Variants in SLC7A11 observed in about 807,000 individuals in gnomAD.
SLC7A11 encodes the protein cystine/glutamate transporter.
Under a neutral mutation model 54.5 loss-of-function variants are expected in SLC7A11, and 35 were observed. That is an observed-to-expected ratio of 0.64 (90% confidence interval 0.49 to 0.85). The LOEUF (loss-of-function observed/expected upper bound fraction) is 0.85, where lower values mean the gene tolerates loss of function less well. Among genes scored for constraint, SLC7A11 ranks in the 40% least tolerant of loss-of-function variants. The probability of loss-of-function intolerance (pLI) is 0.00; values close to 1 mark genes in which losing one functional copy is unlikely to be tolerated. For synonymous variants in SLC7A11, 230 were observed against 225.2 expected (o/e 1.02, Z -0.19); for missense variants, 583 against 618.1 (o/e 0.94, Z 0.60).
Position 138,242,184 on chromosome 4 carries a change from C to T in SLC7A11, c.-115G>A. On this transcript the variant is annotated 5_prime_UTR_variant, in exon 1 of 12. Transcript: ENST00000280612. ...TCCTCTGCTTTCAGACTGTCTCTCTCAGCGCTATAGTGTTCACAGGTGAAA... is the reference window on the plus strand; with the variant it reads ...TCCTCTGCTTTCAGACTGTCTCTCTTAGCGCTATAGTGTTCACAGGTGAAA... 8.1e-7 allele frequency: 1 copy of T among 1,236,186 alleles called. No homozygotes were observed. The highest frequency in any genetic ancestry group is 1.1e-6 in the Non-Finnish European group (1 of 892,588). 76.6% of individuals were successfully genotyped at this position (1,236,186 alleles called of 1,614,324 possible).
In SLC7A11 at chr4:138,225,138, CTATATATATATATATATATA is replaced by C. The variant is rs36216785; in HGVS notation, c.521-1834_521-1815del. On this transcript the variant is annotated intron_variant, in intron 3 of 11. Transcript: ENST00000280612. Reference sequence around the variant, plus strand: ...TCACTTGATTGAGACAATAATTTCACTATATATATATATATATATATATATATATATATAAATAAAATCAT... The same window carrying C: ...TCACTTGATTGAGACAATAATTTCACTATATATATATATAAATAAAATCAT... Among the ~76,000 whole-genome samples the C allele has an allele frequency of 5.1e-5, 6 of 118,342 alleles. No homozygotes were observed. In the Admixed American group the frequency reaches 5.5e-4, roughly 11 times the overall value. 77.6% of individuals were successfully genotyped at this position (118,342 alleles called of 152,430 possible).
chr4:138,208,843 C>T (rs1169724759), intron 6 of SLC7A11, among the ~76,000 whole-genome samples: 1 of 152,036 alleles, frequency 6.6e-6, no homozygotes, highest in East Asian at 1.9e-4. Context: ...TGAAAGATTG[C>T]TACTTCCATA....
intron 6 of SLC7A11, among the ~76,000 whole-genome samples, chr4:138,206,346 G>GT (rs1737404973): frequency 6.7e-6 from 1 of 149,590 alleles, no homozygotes; most frequent in South Asian, 2.1e-4. Flanking sequence ...TAAAACAAGA[G>GT]TTTATTGTTC....
intron 3 of SLC7A11, 80 bp from the exon 4 acceptor site, chr4:138,223,404 C>A: frequency 6.8e-7 from 1 of 1,474,186 alleles, no homozygotes; most frequent in East Asian, 2.3e-5. Context: ...ACTCAAAGGG[C>A]AATCTGTGAG....
In SLC7A11 at chr4:138,168,347, C is replaced by T. The variant is rs1182931962; in HGVS notation, c.*3609G>A. ...ACATTAAAATATTGTTACCTTCAGT[C>T]CATACTATCTTTCATTTCCTGATTC... On this transcript the variant is annotated 3_prime_UTR_variant, in exon 12 of 12. Coordinates refer to ENST00000280612, the MANE Select transcript of SLC7A11 (RefSeq NM_014331.4). 6.6e-6 allele frequency: 1 copy of T among 152,172 alleles called. No individual in the cohort carries two copies. The highest frequency in any genetic ancestry group is 2.4e-5 in the African/African-American group (1 of 41,436). 9.4% of individuals were successfully genotyped at this position (152,172 alleles called of 1,614,324 possible).
At chr4:138,196,789 A>G (rs941301057) in intron 6 of SLC7A11, among the ~76,000 whole-genome samples, 1 of 152,076 alleles carries the variant, frequency 6.6e-6, no homozygotes, top group African/African-American at 2.4e-5. Context: ...CCTCCCGAGT[A>G]GCTGGGATTA....
At chr4:138,236,509 ATTAGAATAGATACAATAATGT>A in intron 1 of SLC7A11, 58 bp from the exon 2 acceptor site, 1 of 1,476,138 alleles carries the variant, frequency 6.8e-7, no homozygotes, top group Non-Finnish European at 9.2e-7. Context: ...GACACCCAGC[ATTAGAATAGATACAATAATGT>A]TTATATGTTG....
At position 138,164,329 on chromosome 4, in the gene SLC7A11, C is replaced by CACTT. The variant is rs1264119350; in HGVS notation, c.*7623_*7626dup. On this transcript the variant is annotated 3_prime_UTR_variant, in exon 12 of 12. Coordinates refer to ENST00000280612, the MANE Select transcript of SLC7A11 (RefSeq NM_014331.4). ...AGTTTCCATAAGATGAAAACAAACACACTTACTTCATAGCATCTTACCACT... is the reference window on the plus strand; with the variant it reads ...AGTTTCCATAAGATGAAAACAAACACACTTACTTACTTCATAGCATCTTACCACT... 1 of 152,042 alleles carries CACTT rather than the reference C, an allele frequency of 6.6e-6. No individual in the cohort carries two copies. The highest frequency in any genetic ancestry group is 2.4e-5 in the African/African-American group (1 of 41,408). 9.4% of individuals were successfully genotyped at this position (152,042 alleles called of 1,614,324 possible). A position where few individuals can be genotyped will look rare whatever the true frequency, so the allele number is the denominator to read the frequency against.
intron 6 of SLC7A11, among the ~76,000 whole-genome samples, chr4:138,206,734 G>T (rs1446896977): frequency 6.6e-6 from 1 of 151,800 alleles, no homozygotes; most frequent in Non-Finnish European, 1.5e-5. Context: ...CATATGTGAT[G>T]CCGAGAAATG....
chr4:138,189,608 T>G (rs937373491), intron 6 of SLC7A11, among the ~76,000 whole-genome samples: 36 of 152,296 alleles, frequency 2.4e-4, no homozygotes, highest in African/African-American at 8.4e-4. Flanking sequence ...AGGCAAATAT[T>G]AGAAGACTAA....
At chr4:138,191,419 T>TATAC (rs1560722982) in intron 6 of SLC7A11, among the ~76,000 whole-genome samples, 1 of 151,994 alleles carries the variant, frequency 6.6e-6, no homozygotes, top group African/African-American at 2.4e-5. Context: ...GAGAGACCTG[T>TATAC]AGGGAGATGT....
chr4:138,192,406 G>A (rs1737032559), intron 6 of SLC7A11, among the ~76,000 whole-genome samples: 1 of 152,110 alleles, frequency 6.6e-6, no homozygotes, highest in Admixed American at 6.5e-5. Flanking sequence ...AAGGAATACG[G>A]GTCACAGAAT....
chr4:138,240,906 G>A (rs370208960), intron 1 of SLC7A11, among the ~76,000 whole-genome samples: 3 of 152,082 alleles, frequency 2.0e-5, no homozygotes, highest in Admixed American at 2.0e-4. Flanking sequence ...CCATAAGGGG[G>A]CATTTATTTA....
At chr4:138,195,667 CT>C (rs1356093296) in intron 6 of SLC7A11, among the ~76,000 whole-genome samples, 1 of 152,156 alleles carries the variant, frequency 6.6e-6, no homozygotes, top group Non-Finnish European at 1.5e-5. Context: ...CCATTACCTA[CT>C]GTTTTTAATA....
intron 6 of SLC7A11, among the ~76,000 whole-genome samples, chr4:138,186,820 C>G (rs578035776): frequency 2.6e-5 from 4 of 152,230 alleles, no homozygotes; most frequent in Non-Finnish European, 5.9e-5. Context: ...AAGGTGTATA[C>G]ACAGCTTTTC....
chr4:138,239,479 T>G (rs1184776453), intron 1 of SLC7A11, among the ~76,000 whole-genome samples: 1 of 152,206 alleles, frequency 6.6e-6, no homozygotes, highest in Non-Finnish European at 1.5e-5. Flanking sequence ...AAAGAAGGAT[T>G]ATTTTTTCTT....
At chr4:138,200,275 T>C (rs529550280) in intron 6 of SLC7A11, among the ~76,000 whole-genome samples, 1 of 152,262 alleles carries the variant, frequency 6.6e-6, no homozygotes, top group South Asian at 2.1e-4. Flanking sequence ...AGCAGCTATT[T>C]CCTTATAATA....
In SLC7A11 at chr4:138,197,035, C is replaced by T. The variant is rs549005144; in HGVS notation, c.792-11791G>A. Among the ~76,000 whole-genome samples the T allele has an allele frequency of 1.8e-3, 277 of 152,296 alleles. 2 individuals carry two copies. The highest frequency in any genetic ancestry group is 6.1e-3 in the African/African-American group (252 of 41,568). On this transcript the variant is annotated intron_variant, in intron 6 of 11. Coordinates refer to ENST00000280612, the MANE Select transcript of SLC7A11 (RefSeq NM_014331.4). The stretch of plus-strand genomic sequence containing the variant: ...AAAATTTGATTCAAATATTTTTCTA[C>T]AGATACTTGGTTCAAAAAGAAGAAA...
At chr4:138,184,020 A>G (rs1736814673) in intron 7 of SLC7A11, among the ~76,000 whole-genome samples, 1 of 152,182 alleles carries the variant, frequency 6.6e-6, no homozygotes, top group South Asian at 2.1e-4. Flanking sequence ...GCGATATTGC[A>G]AATTTCCATG....
Sources: allele counts gnomAD v4.1 joint callset (sites outside exome capture counted in the v4.1 genomes callset), GRCh38; gene constraint gnomAD v4.1.1; transcripts MANE v1.5; gene names NCBI Gene and HGNC (gene_info 2026-07-23, HGNC 2026-07-21).